Variants in WIPF3 observed in about 807,000 individuals in gnomAD.
The protein encoded by WIPF3 is WAS/WASL-interacting protein family member 3.
A neutral mutation model predicts 38.9 loss-of-function variants in WIPF3; 33 were observed. The ratio of observed to expected loss-of-function variants is 0.85; its 90% CI spans 0.64 to 1.14. The LOEUF (loss-of-function observed/expected upper bound fraction) is 1.14. Ranked by LOEUF, WIPF3 falls within the 50% of genes most tolerant of loss-of-function variation. The probability of loss-of-function intolerance (pLI) is 0.00; values close to 1 mark genes in which losing one functional copy is unlikely to be tolerated. For synonymous variants in WIPF3, 324 were observed against 269.3 expected (o/e 1.20, Z -1.99); for missense variants, 711 against 652.5 (o/e 1.09, Z -0.98).
At chr7:29,831,644 T>C (rs961734158) in intron 1 of WIPF3, among the ~76,000 whole-genome samples, 2 of 152,316 alleles carry the variant, frequency 1.3e-5, no homozygotes, top group Middle Eastern at 6.8e-3. Context: ...CTTAACACAA[T>C]GGGAGTTTAT....
intron 1 of WIPF3, among the ~76,000 whole-genome samples, chr7:29,809,841 T>C (rs1026322559): frequency 2.0e-5 from 3 of 152,086 alleles, no homozygotes; most frequent in Admixed American, 6.6e-5. Flanking sequence ...CCAGGCACTG[T>C]GGAGGAAGAT....
chr7:29,853,974 C>T (rs1038314708), intron 2 of WIPF3, among the ~76,000 whole-genome samples: 21 of 152,184 alleles, frequency 1.4e-4, no homozygotes, highest in Non-Finnish European at 2.4e-4. Context: ...AGGGATCTCA[C>T]GAAGTTTAAA....
intron 1 of WIPF3, among the ~76,000 whole-genome samples, chr7:29,817,005 C>G (rs762470783): frequency 4.6e-5 from 7 of 152,178 alleles, no homozygotes; most frequent in Non-Finnish European, 1.0e-4. Flanking sequence ...TCCCTGCACT[C>G]TCTCCAACAC....
chr7:29,851,788 T>C (rs1446796425), intron 2 of WIPF3, among the ~76,000 whole-genome samples: 1 of 152,188 alleles, frequency 6.6e-6, no homozygotes, highest in Non-Finnish European at 1.5e-5. Context: ...GCCTCATCAG[T>C]GCCCTCTGGG....
At chr7:29,820,471 T>C (rs1232978354) in intron 1 of WIPF3, among the ~76,000 whole-genome samples, 1 of 152,184 alleles carries the variant, frequency 6.6e-6, no homozygotes, top group Non-Finnish European at 1.5e-5. Flanking sequence ...CTTAATTTGC[T>C]TTTTTACATG....
At chr7:29,874,381 C>T (rs1785550137) in intron 2 of WIPF3, among the ~76,000 whole-genome samples, 1 of 151,942 alleles carries the variant, frequency 6.6e-6, no homozygotes, top group Non-Finnish European at 1.5e-5. Flanking sequence ...CTCATAATCA[C>T]AAATGGAAAT....
rs758796980 is a variant in WIPF3, at chr7:29,884,427, C to G, written c.933C>G (p.Pro311=). 2 of 1,531,404 alleles carry G rather than the reference C, an allele frequency of 1.3e-6. No individual in the cohort carries two copies. Among genetic ancestry groups the G allele is most frequent in the Non-Finnish European group, 1.8e-6 (2 of 1,136,038 alleles). The allele number at this position is 1,531,404 out of a possible 1,614,324, so 94.9% of individuals were successfully genotyped here. The change falls in exon 5 of 9, where the codon CCC becomes CCG. Residue 311 remains proline (P), a synonymous_variant. Transcript: ENST00000242140. ...CCCCGAGGGCTTCTTTGCCCGCGCC[C>G]CCTTTGCCAGGAGTTAATAGCAGCA... ...SCSPRASLPA[P]PLPGVNSSSE...
chr7:29,843,620 G>T (rs1784952872), intron 2 of WIPF3, among the ~76,000 whole-genome samples: 1 of 152,140 alleles, frequency 6.6e-6, no homozygotes. Context: ...TAAGATTCCA[G>T]GGTAACTAAC....
chr7:29,826,153 T>C (rs4719986), intron 1 of WIPF3, among the ~76,000 whole-genome samples: 88,723 of 151,992 alleles, frequency 0.58, 26,162 homozygotes, highest in Middle Eastern at 0.65. Context: ...ATCCTAGATG[T>C]TCCAGAGCAG....
At chr7:29,816,151 CT>C (rs1784455096) in intron 1 of WIPF3, among the ~76,000 whole-genome samples, 2 of 152,180 alleles carry the variant, frequency 1.3e-5, no homozygotes, top group Non-Finnish European at 2.9e-5. Context: ...TAATCCTGAA[CT>C]TTTGCTTATT....
At chr7:29,876,452 G>A (rs1301256464) in intron 3 of WIPF3, among the ~76,000 whole-genome samples, 1 of 152,116 alleles carries the variant, frequency 6.6e-6, no homozygotes. Flanking sequence ...TGCCTATTCT[G>A]TTATTTCAAA....
At chr7:29,894,626 C>G (rs555176975) in intron 7 of WIPF3, among the ~76,000 whole-genome samples, 1 of 152,134 alleles carries the variant, frequency 6.6e-6, no homozygotes, top group East Asian at 1.9e-4. Context: ...TTCTTGTTCA[C>G]TGTTGACCTG....
Position 29,888,098 on chromosome 7 carries a change from C to G in WIPF3, c.1130C>G (p.Pro377Arg), listed in dbSNP as rs1785920595. The change falls in exon 6 of 9, where the codon CCA becomes CGA. Residue 377 changes from proline (P) to arginine (R), a missense_variant. Coordinates refer to ENST00000242140, the MANE Select transcript of WIPF3 (RefSeq NM_001080529.3). ...GGTGGGGGAAAGCTAAATCCACCTCCAGCACCCCCTGCGAGATCACCTACC... is the reference window on the plus strand; with the variant it reads ...GGTGGGGGAAAGCTAAATCCACCTCGAGCACCCCCTGCGAGATCACCTACC... ...GAGGGKLNPP[P>R]APPARSPTTE... 6.2e-7 allele frequency: 1 copy of G among 1,613,990 alleles called. No individual in the cohort carries two copies. Among genetic ancestry groups the G allele is most frequent in the Non-Finnish European group, 8.5e-7 (1 of 1,179,892 alleles).
At chr7:29,909,670 G>T (rs1000505106) in intron 8 of WIPF3, among the ~76,000 whole-genome samples, 1 of 152,166 alleles carries the variant, frequency 6.6e-6, no homozygotes, top group Non-Finnish European at 1.5e-5. Context: ...GTTAAGGTGG[G>T]AGAATTGCTT....
rs112707538 is a variant in WIPF3, at chr7:29,868,997, G to C, written c.91-6833G>C. On this transcript the variant is annotated intron_variant, in intron 2 of 8. Coordinates refer to ENST00000242140, the MANE Select transcript of WIPF3 (RefSeq NM_001080529.3). ...ATACACCCCCCAAGCACAACATCCT[G>C]GCAATCTTACCCATACTTCATCCCC... Among the ~76,000 whole-genome samples the C allele has an allele frequency of 1.8e-3, 266 of 151,938 alleles. 3 individuals are homozygous for C. The highest frequency in any genetic ancestry group is 3.4e-3 in the Middle Eastern group (1 of 294).
At position 29,878,894 on chromosome 7, in the gene WIPF3, A is replaced by G; in HGVS notation, c.224-115A>G. The G allele has an allele frequency of 1.6e-6, 2 of 1,240,946 alleles. No homozygotes were observed. Among genetic ancestry groups the G allele is most frequent in the Non-Finnish European group, 1.1e-6 (1 of 898,766 alleles). 76.9% of individuals were successfully genotyped at this position (1,240,946 alleles called of 1,614,324 possible). The stretch of plus-strand genomic sequence containing the variant: ...GAAAGGATGACATTGGAGGTGGGAG[A>G]ATGGGAAGGCTGACAAGGGCAGTGG... On this transcript the variant is annotated intron_variant, in intron 3 of 8. Transcript: ENST00000242140. This position sits in a 1 kb window ranked among gnomAD's most constrained non-coding sequence, Gnocchi z 4.0.
At chr7:29,861,403 A>T (rs548789190) in intron 2 of WIPF3, among the ~76,000 whole-genome samples, 4 of 152,346 alleles carry the variant, frequency 2.6e-5, no homozygotes, top group Admixed American at 6.5e-5. Context: ...AAAGAAATGT[A>T]ACTTTACAAG....
At chr7:29,819,148 A>C (rs1784499916) in intron 1 of WIPF3, among the ~76,000 whole-genome samples, 1 of 151,700 alleles carries the variant, frequency 6.6e-6, no homozygotes, top group Non-Finnish European at 1.5e-5. Flanking sequence ...GGCAGAATTC[A>C]GCCATCTATC....
rs117057709 is a variant in WIPF3 at position 29,881,075 on chromosome 7, C to G, written c.355+1935C>G. ...TGAAAGGCTCATCCGCAGGTGTCCA[C>G]GTGGCTCAGTCTCTCCCTTCCTGCA... On this transcript the variant is annotated intron_variant, in intron 4 of 8. Coordinates refer to ENST00000242140, the MANE Select transcript of WIPF3 (RefSeq NM_001080529.3). 8.9e-4 allele frequency among the ~76,000 whole-genome samples: 135 copies of G among 152,334 alleles called. 2 individuals carry two copies. The South Asian group carries it at 0.011, about 13-fold the overall frequency.
Sources: allele counts gnomAD v4.1 joint callset (sites outside exome capture counted in the v4.1 genomes callset), GRCh38; gene constraint gnomAD v4.1.1; non-coding constraint Gnocchi (gnomAD v3.1); transcripts MANE v1.5; gene names NCBI Gene and HGNC (gene_info 2026-07-23, HGNC 2026-07-21).